Variants in PTPN12 observed in about 807,000 individuals in gnomAD.
PTPN12 encodes the protein protein tyrosine phosphatase non-receptor type 12.
In PTPN12, 29 loss-of-function variants were observed where a neutral mutation model predicts 97.6. That is an observed-to-expected ratio of 0.30 (90% CI 0.22 to 0.41). The LOEUF (loss-of-function observed/expected upper bound fraction) is 0.41. Among genes scored for constraint, PTPN12 ranks in the 10% least tolerant of loss-of-function variants. PTPN12 has a pLI of 1.00. For synonymous variants in PTPN12, 327 were observed against 300.4 expected (o/e 1.09, Z -0.91); for missense variants, 819 against 926.0 (o/e 0.88, Z 1.50).
Position 77,537,332 on chromosome 7 carries a change from G to A in PTPN12, c.-215G>A. ...GCTCGCCTGGTACTGTGGGAGAGCG[G>A]CGGCTGCTCCTGGAAGTTGTGGTGT... On this transcript the variant is annotated 5_prime_UTR_variant, in exon 1 of 18. Transcript: ENST00000248594. 1 of 557,578 alleles carries A rather than the reference G, an allele frequency of 1.8e-6. No homozygotes were observed. 34.5% of individuals were successfully genotyped at this position (557,578 alleles called of 1,614,324 possible). A position where few individuals can be genotyped will look rare whatever the true frequency, so the allele number is the denominator to read the frequency against.
chr7:77,573,093 A>C (rs1380972136), intron 2 of PTPN12, among the ~76,000 whole-genome samples: 2 of 46,686 alleles, frequency 4.3e-5, no homozygotes, highest in East Asian at 1.0e-3. Context: ...AAAAAAAAAA[A>C]AAACAAAAAA....
chr7:77,626,795 A>G lies in PTPN12; in HGVS notation c.1116A>G (p.Ser372=), dbSNP rs536604253. ...CCATCTTGACACCTTCTCCCCCTTCAGCTTTTCCAACAGTCACTACTGTGT... is the reference window on the plus strand; with the variant it reads ...CCATCTTGACACCTTCTCCCCCTTCGGCTTTTCCAACAGTCACTACTGTGT... ...VPPILTPSPP[S]AFPTVTTVWQ... The change falls in exon 13 of 18, where the codon TCA becomes TCG. Residue 372 remains serine, a synonymous_variant. Coordinates refer to ENST00000248594, the MANE Select transcript of PTPN12 (RefSeq NM_002835.4). 1 of 1,614,088 alleles carries G rather than the reference A, an allele frequency of 6.2e-7. No individual in the cohort carries two copies. The highest frequency in any genetic ancestry group is 2.2e-5 in the East Asian group (1 of 44,882).
chr7:77,605,237 T>C (rs1584178847), intron 8 of PTPN12, among the ~76,000 whole-genome samples: 1 of 152,146 alleles, frequency 6.6e-6, no homozygotes, highest in Non-Finnish European at 1.5e-5. Flanking sequence ...CTGATAGGTA[T>C]ACATTTCAAA....
At chr7:77,604,499 CCACTGCGCCCAGCCTCATCTTTTAATAG>C (rs1407477359) in intron 8 of PTPN12, among the ~76,000 whole-genome samples, 1 of 152,018 alleles carries the variant, frequency 6.6e-6, no homozygotes, top group Non-Finnish European at 1.5e-5. Context: ...CAGGCGTGAA[CCACTGCGCCCAGCCTCATCTTTTAATAG>C]TTATACAAGT....
intron 7 of PTPN12, among the ~76,000 whole-genome samples, chr7:77,599,155 C>A (rs866964959): frequency 2.1e-4 from 32 of 151,868 alleles, no homozygotes; most frequent in African/African-American, 7.2e-4. Flanking sequence ...TTCTTTGCAG[C>A]AAATATTTTT....
intron 2 of PTPN12, among the ~76,000 whole-genome samples, chr7:77,576,738 C>T (rs1358621647): frequency 6.6e-6 from 1 of 152,136 alleles, no homozygotes; most frequent in East Asian, 1.9e-4. Flanking sequence ...AAACAGCCAC[C>T]CAAGTTCTTT....
intron 7 of PTPN12, among the ~76,000 whole-genome samples, chr7:77,600,023 G>A (rs929501283): frequency 6.6e-6 from 1 of 152,160 alleles, no homozygotes; most frequent in Non-Finnish European, 1.5e-5. Context: ...GGCTGTTAAA[G>A]AATAAGGCAC....
At chr7:77,617,439 A>G (rs1788790473) in intron 11 of PTPN12, among the ~76,000 whole-genome samples, 1 of 152,218 alleles carries the variant, frequency 6.6e-6, no homozygotes, top group Non-Finnish European at 1.5e-5. Flanking sequence ...GATAGGGTGC[A>G]CTTAAAATTG....
chr7:77,622,214 C>G (rs139154861), intron 12 of PTPN12, among the ~76,000 whole-genome samples: 65 of 152,278 alleles, frequency 4.3e-4, no homozygotes, highest in African/African-American at 1.5e-3. Context: ...TTTGGCCTCC[C>G]AAAGTGCTGG....
At chr7:77,561,096 T>C (rs1339785359) in intron 1 of PTPN12, among the ~76,000 whole-genome samples, 4 of 152,142 alleles carry the variant, frequency 2.6e-5, no homozygotes, top group African/African-American at 9.7e-5. Context: ...TTGTTTTTTG[T>C]TTTTTATAGA....
chr7:77,597,741 T>C, intron 6 of PTPN12, 101 bp from the exon 7 acceptor site: 1 of 1,358,432 alleles, frequency 7.4e-7, no homozygotes, highest in Non-Finnish European at 9.7e-7. Context: ...TTTTAAAGAT[T>C]AATTTTATAT....
At chr7:77,588,651 A>G (rs1787769400) in intron 5 of PTPN12, among the ~76,000 whole-genome samples, 1 of 152,204 alleles carries the variant, frequency 6.6e-6, no homozygotes, top group Admixed American at 6.5e-5. Flanking sequence ...TAAAATATGC[A>G]GTGTCTGAGA....
At chr7:77,588,008 C>A (rs905968484) in intron 5 of PTPN12, among the ~76,000 whole-genome samples, 2 of 152,168 alleles carry the variant, frequency 1.3e-5, no homozygotes, top group African/African-American at 4.8e-5. Flanking sequence ...AGAAATGTTG[C>A]AGCTGGTTTG....
At chr7:77,537,830 C>T (rs547875193) in intron 1 of PTPN12, among the ~76,000 whole-genome samples, 185 bp downstream of exon 1, 90 of 152,118 alleles carry the variant, frequency 5.9e-4, no homozygotes, top group African/African-American at 2.0e-3. Flanking sequence ...CCCCCGTGGC[C>T]TCCTTTCTTC....
At chr7:77,547,419 G>A (rs1432304038) in intron 1 of PTPN12, among the ~76,000 whole-genome samples, 1 of 152,036 alleles carries the variant, frequency 6.6e-6, no homozygotes, top group Non-Finnish European at 1.5e-5. Context: ...CATTTTAGGG[G>A]GAAGAAAGTT....
At chr7:77,635,671 G>T (rs905389148) in intron 14 of PTPN12, 111 bp from the exon 15 acceptor site, 7 of 570,418 alleles carry the variant, frequency 1.2e-5, no homozygotes, top group African/African-American at 9.8e-5. Flanking sequence ...CAAAATTTTT[G>T]TGGAAGCGAT....
chr7:77,599,309 C>T (rs889180017), intron 7 of PTPN12, among the ~76,000 whole-genome samples: 9 of 142,648 alleles, frequency 6.3e-5, no homozygotes, highest in Non-Finnish European at 9.0e-5. Flanking sequence ...CCCCCCACAG[C>T]GCCCCGACTT....
At position 77,635,828 on chromosome 7, in the gene PTPN12, A is replaced by T. The variant is rs760443960; in HGVS notation, c.2121A>T (p.Arg707=). The change falls in exon 15 of 18, where the codon CGA becomes CGT. Residue 707 remains arginine (R), a synonymous_variant. Coordinates refer to ENST00000248594, the MANE Select transcript of PTPN12 (RefSeq NM_002835.4). The part of the protein sequence containing the change: ...SEWSELQSQE[R]SEQKKSEGLI... ...GGAGTGAACTTCAAAGTCAGGAACG[A>T]TCTGAACAAAAAAAGTCTGAAGTAA... 2.5e-6 allele frequency: 4 copies of T among 1,607,018 alleles called. No homozygotes were observed. In the African/African-American group the frequency reaches 5.4e-5, roughly 22 times the overall value.
intron 11 of PTPN12, among the ~76,000 whole-genome samples, chr7:77,617,576 T>C (rs1157696986): frequency 6.6e-6 from 1 of 152,206 alleles, no homozygotes. Flanking sequence ...AAAATGCAGC[T>C]ACGGTTTCAG....
Sources: allele counts gnomAD v4.1 joint callset (sites outside exome capture counted in the v4.1 genomes callset), GRCh38; gene constraint gnomAD v4.1.1; transcripts MANE v1.5; gene names NCBI Gene and HGNC (gene_info 2026-07-23, HGNC 2026-07-21).